The following SNX7 variants were observed in gnomAD, a reference collection of about 807,000 sequenced individuals.
SNX7 encodes sorting nexin-7.
A neutral mutation model predicts 48.4 loss-of-function variants in SNX7; 35 were observed. That is an observed-to-expected ratio of 0.72 (90% CI 0.55 to 0.96). The LOEUF (loss-of-function observed/expected upper bound fraction) is 0.96, where lower values mean the gene tolerates loss of function less well. Ranked by LOEUF, SNX7 falls within the 40% of genes least tolerant of loss-of-function variation. The probability of loss-of-function intolerance (pLI) is 0.00; values close to 1 mark genes in which losing one functional copy is unlikely to be tolerated. For synonymous variants in SNX7, 190 were observed against 190.2 expected, an observed-to-expected ratio of 1.00 and a Z score of 0.01; for missense variants, 553 against 548.9, an observed-to-expected ratio of 1.01 and a Z score of -0.07.
chr1:98,727,697 C>T (rs776530777), intron 7 of SNX7, among the ~76,000 whole-genome samples: 1 of 151,808 alleles, frequency 6.6e-6, no homozygotes, highest in Non-Finnish European at 1.5e-5. Flanking sequence ...ACATAAATGA[C>T]CTGATGTAGC....
intron 7 of SNX7, 112 bp from the exon 8 acceptor site, chr1:98,738,123 CAA>C: frequency 1.8e-6 from 2 of 1,119,330 alleles, no homozygotes; most frequent in South Asian, 3.2e-5. Context: ...TGATTAAAAA[CAA>C]AAAAGAGTTA....
At chr1:98,733,868 C>A (rs1375956471) in intron 7 of SNX7, among the ~76,000 whole-genome samples, 2 of 152,056 alleles carry the variant, frequency 1.3e-5, no homozygotes, top group Non-Finnish European at 2.9e-5. Context: ...TCCTTTGTTT[C>A]TCTCTTAACA....
At chr1:98,746,571 T>C (rs1260061242) in intron 8 of SNX7, among the ~76,000 whole-genome samples, 2 of 152,066 alleles carry the variant, frequency 1.3e-5, no homozygotes, top group African/African-American at 4.8e-5. Context: ...GGAAAACACA[T>C]GATAGAGATA....
intron 2 of SNX7, among the ~76,000 whole-genome samples, chr1:98,690,135 TGA>T (rs1465369693): frequency 6.6e-6 from 1 of 152,132 alleles, no homozygotes; most frequent in Non-Finnish European, 1.5e-5. Context: ...ATATTTCTGG[TGA>T]GTGTGAAATA....
chr1:98,722,371 CCT>C (rs1299258554), intron 7 of SNX7, among the ~76,000 whole-genome samples: 1 of 152,110 alleles, frequency 6.6e-6, no homozygotes, highest in East Asian at 1.9e-4. Context: ...ACACATCTCA[CCT>C]CTCTCACGAA....
At chr1:98,665,098 T>G (rs1195055909) in intron 1 of SNX7, among the ~76,000 whole-genome samples, 1 of 152,168 alleles carries the variant, frequency 6.6e-6, no homozygotes, top group African/African-American at 2.4e-5. Flanking sequence ...GTGGATACAG[T>G]GTATGTGATT....
Position 98,661,892 on chromosome 1 carries a change from AC to A in SNX7, c.163del (p.Leu55TrpfsTer10). On this transcript the variant is annotated frameshift_variant, in exon 1 of 9. Transcript: ENST00000306121. LOFTEE classifies it high-confidence loss of function. ...CTGGATCTGGACGAGGACGAGGACGACCTGGAGGTGTTCAGCAAGGTGAGGG... is the reference window on the plus strand; with the variant it reads ...CTGGATCTGGACGAGGACGAGGACGACTGGAGGTGTTCAGCAAGGTGAGGG... ...EVLDLDEDEDDLEVFSKDASL... is the reference protein window; with the variant it reads ...EVLDLDEDEDXLEVFSKDASL... The A allele has an allele frequency of 8.0e-7, 1 of 1,247,206 alleles. No individual in the cohort carries two copies. The highest frequency in any genetic ancestry group is 1.0e-6 in the Non-Finnish European group (1 of 987,564). 77.3% of individuals were successfully genotyped at this position (1,247,206 alleles called of 1,614,324 possible).
chr1:98,694,708 C>T (rs1014014095), intron 4 of SNX7, among the ~76,000 whole-genome samples: 4 of 141,496 alleles, frequency 2.8e-5, no homozygotes, highest in South Asian at 2.4e-4. Flanking sequence ...CCTGGGTTCA[C>T]GCCATTCTCC....
At chr1:98,727,703 G>A (rs1236397343) in intron 7 of SNX7, among the ~76,000 whole-genome samples, 1 of 152,076 alleles carries the variant, frequency 6.6e-6, no homozygotes, top group Non-Finnish European at 1.5e-5. Context: ...ATGACCTGAT[G>A]TAGCTGAAAA....
At chr1:98,753,100 T>C (rs1654667674) in intron 8 of SNX7, among the ~76,000 whole-genome samples, 1 of 152,076 alleles carries the variant, frequency 6.6e-6, no homozygotes, top group East Asian at 1.9e-4. Flanking sequence ...TAAAATAGGA[T>C]TCACAGTAAT....
chr1:98,753,657 G>T (rs1218741463), intron 8 of SNX7, among the ~76,000 whole-genome samples: 1 of 152,120 alleles, frequency 6.6e-6, no homozygotes, highest in Non-Finnish European at 1.5e-5. Flanking sequence ...GGGCTGCCCT[G>T]TAGGGGTACC....
chr1:98,699,049 T>TCACTGTGTGTCTAATATTAGA, intron 6 of SNX7, 144 bp downstream of exon 6: 1 of 690,924 alleles, frequency 1.4e-6, no homozygotes, highest in Non-Finnish European at 2.4e-6. Flanking sequence ...AAATATTTAT[T>TCACTGTGTGTCTAATATTAGA]CACTGTGTGT....
intron 8 of SNX7, among the ~76,000 whole-genome samples, chr1:98,747,094 T>TA (rs769007823): frequency 8.5e-5 from 13 of 152,096 alleles, no homozygotes; most frequent in Admixed American, 4.6e-4. Flanking sequence ...ACTTCTGACT[T>TA]AAAAAAAGTA....
upstream of SNX7, chr1:98,661,598 C>T (rs1301605981): frequency 2.4e-6 from 2 of 846,766 alleles, no homozygotes; most frequent in Non-Finnish European, 3.0e-6. Flanking sequence ...CCGGCAGTTC[C>T]GCGTCTGCGC....
At chr1:98,689,253 C>G (rs1374037241) in intron 2 of SNX7, among the ~76,000 whole-genome samples, 2 of 152,172 alleles carry the variant, frequency 1.3e-5, no homozygotes, top group African/African-American at 2.4e-5. Context: ...CTATTACTTG[C>G]TGTAGGGAAA....
At chr1:98,691,912 T>TACAC (rs1553199329) in intron 4 of SNX7, among the ~76,000 whole-genome samples, 11 of 17,940 alleles carry the variant, frequency 6.1e-4, no homozygotes, top group African/African-American at 1.1e-3. Flanking sequence ...TCTCCATATA[T>TACAC]ATACACACAC....
intron 7 of SNX7, among the ~76,000 whole-genome samples, chr1:98,731,862 T>C (rs1043087515): frequency 6.6e-6 from 1 of 152,184 alleles, no homozygotes; most frequent in Non-Finnish European, 1.5e-5. Context: ...CTACAAAGTT[T>C]CCTGAATTTG....
At position 98,685,062 on chromosome 1, in the gene SNX7, A is replaced by G. The variant is rs1267717280; in HGVS notation, c.358A>G (p.Thr120Ala). ...IETFITYRII[T>A]KTSRGEFDSS... ...AACTTTCATTACGTATAGGATTATT[A>G]CTAAGGTAAACATTTGGTGAATATT... The change falls in exon 2 of 9, where the codon ACT becomes GCT. Residue 120 changes from threonine to alanine, a missense_variant. By Grantham distance (58) the Thr-to-Ala change is moderately conservative. Coordinates refer to ENST00000306121, the MANE Select transcript of SNX7 (RefSeq NM_015976.5). 1.4e-6 allele frequency: 2 copies of G among 1,471,818 alleles called. No individual in the cohort carries two copies. Among genetic ancestry groups the G allele is most frequent in the Non-Finnish European group, 1.8e-6 (2 of 1,100,914 alleles). 91.2% of individuals were successfully genotyped at this position (1,471,818 alleles called of 1,614,324 possible).
intron 7 of SNX7, among the ~76,000 whole-genome samples, chr1:98,715,817 C>T (rs1490233734): frequency 2.6e-5 from 4 of 152,092 alleles, no homozygotes; most frequent in South Asian, 4.1e-4. Context: ...GTTTAGAATA[C>T]AATATCTTGG....
Sources: allele counts gnomAD v4.1 joint callset (sites outside exome capture counted in the v4.1 genomes callset), GRCh38; gene constraint gnomAD v4.1.1; transcripts MANE v1.5; gene names NCBI Gene and HGNC (gene_info 2026-07-23, HGNC 2026-07-21).